SMAD6: variants seen among roughly 807,000 people sequenced by gnomAD.
SMAD6 encodes SMAD family member 6.
In SMAD6, 103 loss-of-function variants were observed where a neutral mutation model predicts 39.4. The ratio of observed to expected loss-of-function variants is 2.62; its 90% CI spans 2.23 to 3.08. The LOEUF (loss-of-function observed/expected upper bound fraction) is 3.08, where lower values mean the gene tolerates loss of function less well. Among genes scored for constraint, SMAD6 ranks in the 30% most tolerant of loss-of-function variants. The pLI is 0.00. For missense variants in SMAD6, 1,104 were observed against 742.9 expected, an observed-to-expected ratio of 1.49 and a Z score of -5.65; for synonymous variants, 445 against 353.3, an observed-to-expected ratio of 1.26 and a Z score of -2.91.
chr15:66,768,015 G>C (rs1331839123), intron 3 of SMAD6, among the ~76,000 whole-genome samples: 2 of 136,596 alleles, frequency 1.5e-5, no homozygotes, highest in Non-Finnish European at 3.0e-5. Context: ...TGTTGGCCAG[G>C]CTGGAGTGCA....
At chr15:66,712,835 C>T (rs1161597387) in intron 2 of SMAD6, among the ~76,000 whole-genome samples, 7 of 151,890 alleles carry the variant, frequency 4.6e-5, no homozygotes, top group Non-Finnish European at 8.8e-5. Flanking sequence ...AGCAAGACCC[C>T]ATCTCTATAA....
intron 1 of SMAD6, chr15:66,705,635 A>G (rs1668781649): frequency 1.3e-5 from 2 of 151,616 alleles, no homozygotes; most frequent in South Asian, 4.2e-4. Context: ...CTCTTTCGCC[A>G]CTTCAGTGTG....
chr15:66,704,427 T>C, intron 1 of SMAD6: 1 of 203,494 alleles, frequency 4.9e-6, no homozygotes, highest in Non-Finnish European at 9.8e-6. Flanking sequence ...TCCTCCTACC[T>C]CAATTCCGGA....
At chr15:66,766,620 C>T (rs980218759) in intron 3 of SMAD6, among the ~76,000 whole-genome samples, 2 of 152,160 alleles carry the variant, frequency 1.3e-5, no homozygotes, top group African/African-American at 4.8e-5. Flanking sequence ...ATTAGTGAAT[C>T]TCTGCCAATG....
At chr15:66,737,125 A>G (rs1893726462) in intron 3 of SMAD6, among the ~76,000 whole-genome samples, 1 of 152,164 alleles carries the variant, frequency 6.6e-6, no homozygotes, top group Non-Finnish European at 1.5e-5. Flanking sequence ...AGCTGGCATC[A>G]CTTCTCTTTT....
intron 3 of SMAD6, 45 bp downstream of exon 3, chr15:66,716,543 G>T (rs77693025): frequency 7.2e-7 from 1 of 1,396,068 alleles, no homozygotes; most frequent in Admixed American, 1.7e-5. Context: ...GAAATTTATC[G>T]AAGGGGACAG....
At chr15:66,737,576 C>T (rs1893735692) in intron 3 of SMAD6, among the ~76,000 whole-genome samples, 1 of 152,092 alleles carries the variant, frequency 6.6e-6, no homozygotes, top group African/African-American at 2.4e-5. Flanking sequence ...CGTCTTTCCT[C>T]CTCACCCCAT....
Position 66,703,596 on chromosome 15 carries a change from C to G in SMAD6, c.338C>G (p.Pro113Arg), listed in dbSNP as rs1322032924. 2 of 1,227,838 alleles carry G rather than the reference C, an allele frequency of 1.6e-6. No individual in the cohort carries two copies. The highest frequency in any genetic ancestry group is 1.6e-5 in the African/African-American group (1 of 63,698). 76.1% of individuals were successfully genotyped at this position (1,227,838 alleles called of 1,614,324 possible). Reference protein sequence around the residue: ...SLLDVAEPGGPGWLPESDCET... With the variant: ...SLLDVAEPGGRGWLPESDCET... The stretch of plus-strand genomic sequence containing the variant: ...CTGGACGTGGCGGAGCCGGGAGGCC[C>G]GGGCTGGCTGCCCGAGAGTGACTGC... The change falls in exon 1 of 4, where the codon CCG becomes CGG. Residue 113 changes from proline to arginine, a missense_variant. Transcript: ENST00000288840.
At chr15:66,714,890 T>G (rs894760369) in intron 2 of SMAD6, among the ~76,000 whole-genome samples, 4 of 152,294 alleles carry the variant, frequency 2.6e-5, no homozygotes, top group African/African-American at 9.6e-5. Context: ...TGTAAGGCAG[T>G]TCACTAAGAA....
intron 3 of SMAD6, among the ~76,000 whole-genome samples, chr15:66,766,944 A>G (rs1281207887): frequency 1.3e-5 from 2 of 152,192 alleles, no homozygotes; most frequent in African/African-American, 4.8e-5. Context: ...AAGCCGGCTG[A>G]CAGTTGTGAT....
chr15:66,739,548 C>T (rs903581269), intron 3 of SMAD6, among the ~76,000 whole-genome samples: 2 of 152,044 alleles, frequency 1.3e-5, no homozygotes, highest in African/African-American at 4.8e-5. Flanking sequence ...GGAGGGGGCA[C>T]GGGGCTGGCA....
intron 3 of SMAD6, among the ~76,000 whole-genome samples, chr15:66,761,154 C>T (rs920615243): frequency 7.2e-5 from 11 of 152,144 alleles, no homozygotes; most frequent in Middle Eastern, 3.2e-3. Context: ...GCCTGAGAGC[C>T]GGGAAAACCC....
At chr15:66,757,540 C>A (rs1894123872) in intron 3 of SMAD6, among the ~76,000 whole-genome samples, 1 of 152,182 alleles carries the variant, frequency 6.6e-6, no homozygotes, top group Non-Finnish European at 1.5e-5. Flanking sequence ...TCCAGCAGGA[C>A]CCTCAGGCTG....
intron 3 of SMAD6, among the ~76,000 whole-genome samples, chr15:66,743,784 TG>T (rs1893857729): frequency 6.6e-6 from 1 of 152,216 alleles, no homozygotes; most frequent in African/African-American, 2.4e-5. Context: ...TGCAGCCAAA[TG>T]AAAAAGTTCA....
At chr15:66,707,839 G>A (rs1893148882) in intron 1 of SMAD6, 1 of 152,334 alleles carries the variant, frequency 6.6e-6, no homozygotes, top group African/African-American at 2.4e-5. Context: ...GGAGGCATGT[G>A]GATCTTTTCC....
intron 3 of SMAD6, among the ~76,000 whole-genome samples, chr15:66,751,251 C>T (rs931276784): frequency 1.1e-4 from 16 of 152,198 alleles, no homozygotes; most frequent in African/African-American, 3.9e-4. Context: ...TTACCTCCTA[C>T]TCCAGAATCC....
At position 66,747,343 on chromosome 15, in the gene SMAD6, A is replaced by G. The variant is rs1038419297; in HGVS notation, c.952+30845A>G. 1.3e-5 allele frequency among the ~76,000 whole-genome samples: 2 copies of G among 152,238 alleles called. No individual in the cohort carries two copies. The highest frequency in any genetic ancestry group is 4.8e-5 in the African/African-American group (2 of 41,468). ...CATGAGCGCCTTACCTGCCGGTGCT[A>G]AGGAGCCTGGCTTTGATTTGGACTG... On this transcript the variant is annotated intron_variant, in intron 3 of 3. Transcript: ENST00000288840. The surrounding 1 kb of genome is among the most constrained non-coding windows in gnomAD (Gnocchi z 4.5).
chr15:66,754,002 T>C (rs1466012208), intron 3 of SMAD6, among the ~76,000 whole-genome samples: 1 of 152,226 alleles, frequency 6.6e-6, no homozygotes, highest in East Asian at 1.9e-4. Flanking sequence ...GGTCATGGGC[T>C]CATCTGCCCT....
intron 1 of SMAD6, among the ~76,000 whole-genome samples, chr15:66,711,275 A>C (rs917320548): frequency 3.9e-5 from 6 of 152,174 alleles, no homozygotes; most frequent in Admixed American, 1.3e-4. Context: ...TTCTCTTGTT[A>C]AAGTAGTAAC....
Sources: gnomAD v4.1 joint callset for allele counts (sites outside exome capture counted in the v4.1 genomes callset) on GRCh38, gnomAD v4.1.1 for gene constraint, Gnocchi (gnomAD v3.1) non-coding constraint, MANE v1.5 for transcripts, NCBI Gene and HGNC (gene_info 2026-07-23, HGNC 2026-07-21) for gene names.